Variants in LRRC63 observed in about 807,000 individuals in gnomAD.
The protein encoded by LRRC63 is leucine rich repeat containing 63.
In LRRC63, 40 loss-of-function variants were observed where a neutral mutation model predicts 49.5. The ratio of observed to expected loss-of-function variants is 0.81; its 90% confidence interval spans 0.63 to 1.05. The LOEUF is 1.05. Ranked by LOEUF, LRRC63 falls within the 50% of genes least tolerant of loss-of-function variation. LRRC63 has a pLI of 0.00. For missense variants in LRRC63, 636 were observed against 663.1 expected (o/e 0.96, Z 0.45); for synonymous variants, 191 against 221.1 (o/e 0.86, Z 1.21).
chr13:46,238,381 A>G lies in LRRC63; in HGVS notation c.990+4032A>G, dbSNP rs139183711. ...ACTCTAAAATCAACCATGTAATCGA[A>G]CACAAAACAAGTCTCAGCAAATGCA... On this transcript the variant is annotated intron_variant, in intron 5 of 9. Coordinates refer to ENST00000595396, the Ensembl canonical transcript of LRRC63. Among the ~76,000 whole-genome samples, 276 of 152,314 alleles carry G rather than the reference A, an allele frequency of 1.8e-3. 1 individual carries two copies. The highest frequency in any genetic ancestry group is 4.6e-3 in the Admixed American group (71 of 15,286).
At chr13:46,247,898 A>T (rs1200266386) in intron 6 of LRRC63, among the ~76,000 whole-genome samples, 1 of 152,120 alleles carries the variant, frequency 6.6e-6, no homozygotes, top group Non-Finnish European at 1.5e-5. Context: ...TAAGATTCTT[A>T]AACAGTCATA....
At chr13:46,234,972 A>G (rs2046865435) in intron 5 of LRRC63, among the ~76,000 whole-genome samples, 1 of 152,200 alleles carries the variant, frequency 6.6e-6, no homozygotes, top group South Asian at 2.1e-4. Context: ...AAAAATAGGA[A>G]AAGCTACAGA....
intron 9 of LRRC63, among the ~76,000 whole-genome samples, chr13:46,269,834 C>T (rs2047731284): frequency 6.8e-6 from 1 of 146,100 alleles, no homozygotes; most frequent in African/African-American, 2.5e-5. Context: ...GATATATATA[C>T]TATATATCTA....
chr13:46,248,375 A>ACGCT (rs1233127970), intron 6 of LRRC63, among the ~76,000 whole-genome samples: 1 of 152,028 alleles, frequency 6.6e-6, no homozygotes, highest in Non-Finnish European at 1.5e-5. Context: ...ATTCAATGAT[A>ACGCT]CGCTGTCTGC....
At chr13:46,240,678 T>C (rs2047036701) in intron 5 of LRRC63, among the ~76,000 whole-genome samples, 1 of 152,144 alleles carries the variant, frequency 6.6e-6, no homozygotes, top group African/African-American at 2.4e-5. Context: ...GACATTCTTA[T>C]ACACCAACAA....
At chr13:46,213,488 G>A (rs548662365) in intron 2 of LRRC63, among the ~76,000 whole-genome samples, 3 of 152,234 alleles carry the variant, frequency 2.0e-5, no homozygotes, top group Admixed American at 1.3e-4. Flanking sequence ...TTGTAAACGG[G>A]TACTGTTTTC....
chr13:46,264,329 C>T (rs572962415), intron 8 of LRRC63, among the ~76,000 whole-genome samples: 7 of 152,160 alleles, frequency 4.6e-5, no homozygotes, highest in Non-Finnish European at 7.3e-5. Flanking sequence ...CCTTCTCCAT[C>T]TGTTTCGTAT....
intron 2 of LRRC63, among the ~76,000 whole-genome samples, chr13:46,214,967 A>C (rs752394913): frequency 3.9e-5 from 6 of 152,216 alleles, no homozygotes; most frequent in African/African-American, 1.4e-4. Context: ...GCTGCATAGT[A>C]TTCCATGATG....
At chr13:46,265,540 G>C (rs1182489122) in intron 8 of LRRC63, among the ~76,000 whole-genome samples, 4 of 152,178 alleles carry the variant, frequency 2.6e-5, no homozygotes, top group Non-Finnish European at 5.9e-5. Context: ...ATGACAGAAG[G>C]GGTGAGGGCT....
intron 7 of LRRC63, among the ~76,000 whole-genome samples, chr13:46,259,304 G>C (rs909388029): frequency 6.8e-6 from 1 of 146,954 alleles, no homozygotes; most frequent in South Asian, 2.2e-4. Flanking sequence ...AGATAAAAAA[G>C]GGAGAAAAAG....
Position 46,251,368 on chromosome 13 carries a change from C to T in LRRC63, c.1226+877C>T, listed in dbSNP as rs535097635. Reference sequence around the variant, plus strand: ...AAATGCATATACATATCACACATTACACACTACATATATAAAAAGAAAGAA... The same window carrying T: ...AAATGCATATACATATCACACATTATACACTACATATATAAAAAGAAAGAA... On this transcript the variant is annotated intron_variant, in intron 7 of 9. Transcript: ENST00000595396. 1.1e-4 allele frequency among the ~76,000 whole-genome samples: 17 copies of T among 151,890 alleles called. No homozygotes were observed. In the East Asian group the frequency reaches 3.3e-3, roughly 29 times the overall value.
intron 8 of LRRC63, among the ~76,000 whole-genome samples, chr13:46,263,024 G>T (rs1418672579): frequency 1.3e-5 from 2 of 152,082 alleles, no homozygotes; most frequent in Non-Finnish European, 2.9e-5. Flanking sequence ...CTATATTTTA[G>T]TAGGAGAATT....
intron 5 of LRRC63, among the ~76,000 whole-genome samples, chr13:46,241,433 A>G (rs1013733739): frequency 6.6e-6 from 1 of 152,184 alleles, no homozygotes; most frequent in Non-Finnish European, 1.5e-5. Context: ...AATGATAAAG[A>G]CACCAAAGCA....
intron 7 of LRRC63, among the ~76,000 whole-genome samples, chr13:46,258,459 G>T (rs1443442627): frequency 6.6e-6 from 1 of 150,784 alleles, no homozygotes; most frequent in Non-Finnish European, 1.5e-5. Flanking sequence ...GTTTCCATCT[G>T]AAAGTTTAGA....
intron 9 of LRRC63, among the ~76,000 whole-genome samples, chr13:46,269,124 T>C (rs2047720939): frequency 6.6e-6 from 1 of 151,836 alleles, no homozygotes; most frequent in Non-Finnish European, 1.5e-5. Flanking sequence ...CTGGTGAAGA[T>C]GCCAATAGAA....
At chr13:46,220,597 C>T (rs1385629822) in intron 2 of LRRC63, among the ~76,000 whole-genome samples, 2 of 151,904 alleles carry the variant, frequency 1.3e-5, no homozygotes, top group African/African-American at 4.8e-5. Flanking sequence ...AGCCCCCTTT[C>T]CAGGGTAGTG....
chr13:46,269,520 CA>C (rs75837557), intron 9 of LRRC63, among the ~76,000 whole-genome samples: 2 of 151,676 alleles, frequency 1.3e-5, no homozygotes, highest in African/African-American at 2.4e-5. Context: ...ATCAGACACA[CA>C]AAAAAATCAT....
rs550677885 is a variant in LRRC63, at chr13:46,220,261, G to A, written c.85+7142G>A. Among the ~76,000 whole-genome samples, 84 of 152,306 alleles carry A rather than the reference G, an allele frequency of 5.5e-4. 1 individual carries two copies. The highest frequency in any genetic ancestry group is 2.1e-3 in the South Asian group (10 of 4,818). On this transcript the variant is annotated intron_variant, in intron 2 of 9. Coordinates refer to ENST00000595396, the Ensembl canonical transcript of LRRC63. ...AGGGAGAAAGGAGTTTTCTCTATAA[G>A]CCCCTGACTGGGGCTGCTGCCTTTC...
intron 5 of LRRC63, among the ~76,000 whole-genome samples, chr13:46,236,220 AAAG>A (rs1176903402): frequency 6.6e-6 from 1 of 152,128 alleles, no homozygotes; most frequent in East Asian, 1.9e-4. Context: ...TCTCTGGAGA[AAAG>A]AAGAGAGAGA....
Sources: gnomAD v4.1 joint callset for allele counts (sites outside exome capture counted in the v4.1 genomes callset) on GRCh38, gnomAD v4.1.1 for gene constraint, MANE v1.5 for transcripts, NCBI Gene and HGNC (gene_info 2026-07-23, HGNC 2026-07-21) for gene names.